Variants in ZNF804B observed in about 807,000 individuals in gnomAD.
ZNF804B encodes zinc finger 804B.
Under a neutral mutation model 101.4 loss-of-function variants are expected in ZNF804B, and 80 were observed. The ratio of observed to expected loss-of-function variants is 0.79; its 90% CI spans 0.66 to 0.95. ZNF804B has a LOEUF of 0.95. ZNF804B is among the 40% of genes least tolerant of loss of function. ZNF804B has a pLI of 0.00. For synonymous variants in ZNF804B, 622 were observed against 558.8 expected (o/e 1.11, Z -1.59); for missense variants, 1,673 against 1,561.9 (o/e 1.07, Z -1.20).
intron 1 of ZNF804B, among the ~76,000 whole-genome samples, chr7:89,077,682 A>G (rs1476124171): frequency 6.6e-6 from 1 of 152,164 alleles, no homozygotes; most frequent in Non-Finnish European, 1.5e-5. Flanking sequence ...TTGCAATTAC[A>G]TTTAAAATGT....
At chr7:89,208,058 G>T (rs1220220230) in intron 1 of ZNF804B, among the ~76,000 whole-genome samples, 1 of 148,714 alleles carries the variant, frequency 6.7e-6, no homozygotes, top group Non-Finnish European at 1.5e-5. Context: ...TGGTTTATGT[G>T]TGTTATATTT....
At chr7:89,012,642 A>G (rs1254324895) in intron 1 of ZNF804B, among the ~76,000 whole-genome samples, 1 of 152,102 alleles carries the variant, frequency 6.6e-6, no homozygotes, top group Non-Finnish European at 1.5e-5. Flanking sequence ...TTCATTGTCC[A>G]TATCACTATC....
intron 2 of ZNF804B, among the ~76,000 whole-genome samples, chr7:89,282,029 G>A (rs1188850649): frequency 6.6e-6 from 1 of 151,566 alleles, no homozygotes; most frequent in Non-Finnish European, 1.5e-5. Flanking sequence ...GTGAAACCCC[G>A]TCTCTACTAA....
chr7:89,255,419 T>TCCCCC (rs1789613034), intron 2 of ZNF804B, among the ~76,000 whole-genome samples: 1 of 151,972 alleles, frequency 6.6e-6, no homozygotes, highest in Non-Finnish European at 1.5e-5. Context: ...GATAGACAAG[T>TCCCCC]AAAAAAATGG....
At chr7:88,760,687 C>A (rs972549937) in intron 1 of ZNF804B, among the ~76,000 whole-genome samples, 2 of 151,700 alleles carry the variant, frequency 1.3e-5, no homozygotes, top group East Asian at 1.9e-4. Flanking sequence ...ATGCAATTAA[C>A]GTGATTGCTT....
intron 1 of ZNF804B, among the ~76,000 whole-genome samples, chr7:88,930,254 G>C (rs1403403606): frequency 1.3e-5 from 2 of 151,896 alleles, no homozygotes; most frequent in African/African-American, 4.8e-5. Context: ...AAATTTATTT[G>C]ATTATGTGTT....
chr7:88,942,184 T>TA (rs931520043), intron 1 of ZNF804B, among the ~76,000 whole-genome samples: 6 of 151,880 alleles, frequency 4.0e-5, no homozygotes, highest in African/African-American at 1.2e-4. Flanking sequence ...TGGTCTTGTA[T>TA]AAAAAAATCC....
rs1554340147 is a variant in ZNF804B, at chr7:88,854,476, TCTTTCCTTTC to T, written c.108+94431_108+94440del. ...CTTTCTTTCTTTCTTTCTTTCTTTC[TCTTTCCTTTC>T]CTTTCCTTTCCTTTCCTTTCCTTTC... On this transcript the variant is annotated intron_variant, in intron 1 of 3. Coordinates refer to ENST00000333190, the MANE Select transcript of ZNF804B (RefSeq NM_181646.5). Among the ~76,000 whole-genome samples, 40 of 48,734 alleles carry T rather than the reference TCTTTCCTTTC, an allele frequency of 8.2e-4. 3 individuals are homozygous for T. The highest frequency in any genetic ancestry group is 2.3e-3 in the East Asian group (4 of 1,738). 32.0% of individuals were successfully genotyped at this position (48,734 alleles called of 152,430 possible).
chr7:88,926,620 TAAATAC>T (rs1406427753), intron 1 of ZNF804B, among the ~76,000 whole-genome samples: 3 of 151,656 alleles, frequency 2.0e-5, no homozygotes, highest in Non-Finnish European at 4.4e-5. Flanking sequence ...AATAAGTAAG[TAAATAC>T]ATAAATTAAT....
chr7:89,061,043 A>G (rs1262336578), intron 1 of ZNF804B, among the ~76,000 whole-genome samples: 1 of 152,098 alleles, frequency 6.6e-6, no homozygotes, highest in Non-Finnish European at 1.5e-5. Flanking sequence ...CCGTAGTAAT[A>G]TGTATTTATA....
intron 1 of ZNF804B, among the ~76,000 whole-genome samples, chr7:89,181,450 T>G (rs540200883): frequency 6.6e-6 from 1 of 152,316 alleles, no homozygotes; most frequent in South Asian, 2.1e-4. Context: ...TTATGCCTTG[T>G]GTTGCTTGCG....
chr7:88,784,480 A>G (rs1790271571), intron 1 of ZNF804B, among the ~76,000 whole-genome samples: 1 of 152,180 alleles, frequency 6.6e-6, no homozygotes, highest in Non-Finnish European at 1.5e-5. Flanking sequence ...CCCTGGGGCC[A>G]CAATTGGACA....
At chr7:89,048,010 G>A (rs1415557499) in intron 1 of ZNF804B, among the ~76,000 whole-genome samples, 1 of 151,708 alleles carries the variant, frequency 6.6e-6, no homozygotes, top group Non-Finnish European at 1.5e-5. Context: ...TCTTACATGA[G>A]TAAGTTCTTT....
At chr7:88,981,787 C>T (rs1477150584) in intron 1 of ZNF804B, among the ~76,000 whole-genome samples, 1 of 151,934 alleles carries the variant, frequency 6.6e-6, no homozygotes, top group Non-Finnish European at 1.5e-5. Flanking sequence ...AATGCAAAGT[C>T]CCAAGATCAC....
intron 1 of ZNF804B, among the ~76,000 whole-genome samples, chr7:89,182,668 G>A (rs1788314923): frequency 6.6e-6 from 1 of 152,130 alleles, no homozygotes. Context: ...GTAACAGTAG[G>A]TAGTATAGAG....
At chr7:89,318,869 C>A (rs941596667) in intron 2 of ZNF804B, among the ~76,000 whole-genome samples, 13 of 152,046 alleles carry the variant, frequency 8.6e-5, no homozygotes, top group Non-Finnish European at 1.3e-4. Context: ...GTCTCACAGC[C>A]TTCAGAGCTG....
chr7:88,933,440 G>T lies in ZNF804B; in HGVS notation c.108+173356G>T, dbSNP rs906277077. Among the ~76,000 whole-genome samples, 6 of 151,766 alleles carry T rather than the reference G, an allele frequency of 4.0e-5. No individual in the cohort carries two copies. The South Asian group carries it at 1.2e-3, about 32-fold the overall frequency. On this transcript the variant is annotated intron_variant, in intron 1 of 3. Coordinates refer to ENST00000333190, the MANE Select transcript of ZNF804B (RefSeq NM_181646.5). ...CCTAGTACTGGAAGTCATAGGCAGCGCAATCAAACAAGAGAAAGAAACAAA... is the reference window on the plus strand; with the variant it reads ...CCTAGTACTGGAAGTCATAGGCAGCTCAATCAAACAAGAGAAAGAAACAAA...
intron 1 of ZNF804B, among the ~76,000 whole-genome samples, chr7:88,940,139 C>T (rs186871536): frequency 1.3e-3 from 198 of 151,932 alleles, no homozygotes; most frequent in African/African-American, 4.5e-3. Flanking sequence ...ACTAAATATA[C>T]TCAGATCTAA....
intron 1 of ZNF804B, among the ~76,000 whole-genome samples, chr7:88,934,862 C>T (rs561579634): frequency 6.6e-5 from 10 of 152,000 alleles, no homozygotes; most frequent in African/African-American, 9.6e-5. Flanking sequence ...TTCAATCCAG[C>T]GATCCCACTA....
Sources: allele counts gnomAD v4.1 joint callset (sites outside exome capture counted in the v4.1 genomes callset), GRCh38; gene constraint gnomAD v4.1.1; transcripts MANE v1.5; gene names NCBI Gene and HGNC (gene_info 2026-07-23, HGNC 2026-07-21).